Variants in CHL1 observed in about 807,000 individuals in gnomAD.
The protein encoded by CHL1 is cell adhesion molecule L1 like, also known as neural cell adhesion molecule L1-like protein.
CHL1 carries 96 observed loss-of-function variants against 141.9 expected under a neutral mutation model. The observed-to-expected ratio is 0.68, with a 90% CI of 0.57 to 0.80. CHL1 has a LOEUF of 0.80. Ranked by LOEUF, CHL1 falls within the 30% of genes least tolerant of loss-of-function variation. The pLI is 0.00. For synonymous variants in CHL1, 613 were observed against 502.2 expected (o/e 1.22, Z -2.95); for missense variants, 1,820 against 1,457.2 (o/e 1.25, Z -4.05).
chr3:383,418 A>G (rs997014572), intron 18 of CHL1, among the ~76,000 whole-genome samples: 4 of 152,212 alleles, frequency 2.6e-5, no homozygotes, highest in Non-Finnish European at 5.9e-5. Flanking sequence ...TTATTCTTCT[A>G]CAGGCAAATA....
At chr3:239,149 C>T (rs74409738) in intron 1 of CHL1, among the ~76,000 whole-genome samples, 10,843 of 152,156 alleles carry the variant, frequency 0.071, 427 homozygotes, top group Middle Eastern at 0.1. Flanking sequence ...CCCGGCTTCA[C>T]TGGACATCAT....
At chr3:347,485 T>C (rs1253697317) in intron 9 of CHL1, among the ~76,000 whole-genome samples, 1 of 152,232 alleles carries the variant, frequency 6.6e-6, no homozygotes, top group Admixed American at 6.5e-5. Flanking sequence ...TATCTCATTT[T>C]CACATAATAC....
intron 21 of CHL1, 25 bp downstream of exon 21, chr3:390,841 C>G: frequency 6.6e-7 from 1 of 1,525,084 alleles, no homozygotes; most frequent in South Asian, 1.1e-5. Context: ...GGTTTTTCCT[C>G]TTCTTGTTGA....
At chr3:358,776 T>C (rs912649811) in intron 11 of CHL1, among the ~76,000 whole-genome samples, 1 of 151,866 alleles carries the variant, frequency 6.6e-6, no homozygotes, top group African/African-American at 2.4e-5. Flanking sequence ...ATATGTAGTA[T>C]TCATGTTTTC....
At position 385,120 on chromosome 3, in the gene CHL1, T is replaced by A. The variant is rs1243846597; in HGVS notation, c.2247+1234T>A. On this transcript the variant is annotated intron_variant, in intron 19 of 27. Coordinates refer to ENST00000256509, the MANE Select transcript of CHL1 (RefSeq NM_006614.4). The stretch of plus-strand genomic sequence containing the variant: ...CTTGATAATTACTTAATTTATAGTC[T>A]AAAATGATGTTAGTCTTTTAGGGTG... Among the ~76,000 whole-genome samples the A allele has an allele frequency of 2.0e-5, 3 of 152,244 alleles. No homozygotes were observed. In the East Asian group the frequency reaches 5.8e-4, roughly 29 times the overall value.
At position 283,374 on chromosome 3, in the gene CHL1, G is replaced by T. The variant is rs368961197; in HGVS notation, c.-94-36309G>T. On this transcript the variant is annotated intron_variant, in intron 2 of 27. Transcript: ENST00000256509. ...AATACCAAGAGTATAAGTTTCCTGA[G>T]ATTAGCAATCACACATGGTTTATTT... Among the ~76,000 whole-genome samples the T allele has an allele frequency of 7.2e-5, 11 of 152,274 alleles. No individual in the cohort carries two copies. In the East Asian group the frequency reaches 1.9e-3, roughly 27 times the overall value.
Position 406,660 on chromosome 3 carries a change from A to G in CHL1, c.*949A>G, listed in dbSNP as rs1709552137. 1 of 152,090 alleles carries G rather than the reference A, an allele frequency of 6.6e-6. No homozygotes were observed. Among genetic ancestry groups the G allele is most frequent in the Non-Finnish European group, 1.5e-5 (1 of 68,006 alleles). 9.4% of individuals were successfully genotyped at this position (152,090 alleles called of 1,614,324 possible). ...AAAATATAGATGTGTTTTATTTTGA[A>G]GTGAGAAAATGAACATTAACAGGCA... On this transcript the variant is annotated 3_prime_UTR_variant, in exon 28 of 28. Transcript: ENST00000256509.
At chr3:256,916 C>T (rs750682051) in intron 2 of CHL1, among the ~76,000 whole-genome samples, 12 of 152,162 alleles carry the variant, frequency 7.9e-5, no homozygotes, top group Non-Finnish European at 1.6e-4. Flanking sequence ...AGCAAAGACA[C>T]GAGTCTGTGT....
In CHL1 at chr3:390,732, G is replaced by C. The variant is rs767793019; in HGVS notation, c.2502G>C (p.Val834=). 6.2e-7 allele frequency: 1 copy of C among 1,607,284 alleles called. No individual in the cohort carries two copies. Among genetic ancestry groups the C allele is most frequent in the East Asian group, 2.2e-5 (1 of 44,800 alleles). ...ATACAGCTCCAGTGATCCATGGGGT[G>C]GACGTTATAAACAGTACATTAGTTA... The part of the protein sequence containing the change: ...YPDTAPVIHG[V]DVINSTLVKV... Residue 834 remains valine, a synonymous_variant, in exon 21 of 28, where the codon GTG becomes GTC. Coordinates refer to ENST00000256509, the MANE Select transcript of CHL1 (RefSeq NM_006614.4).
chr3:301,161 G>C (rs947648423), intron 2 of CHL1, among the ~76,000 whole-genome samples: 1 of 152,128 alleles, frequency 6.6e-6, no homozygotes, highest in African/African-American at 2.4e-5. Flanking sequence ...CAAAGTAGAG[G>C]TAGAAGGGAT....
intron 2 of CHL1, among the ~76,000 whole-genome samples, chr3:287,344 T>C (rs1251593192): frequency 6.6e-6 from 1 of 152,156 alleles, no homozygotes; most frequent in Non-Finnish European, 1.5e-5. Context: ...AGACACTCAA[T>C]GTATATTGAA....
chr3:216,731 C>G (rs1329344983), intron 1 of CHL1, among the ~76,000 whole-genome samples: 1 of 152,190 alleles, frequency 6.6e-6, no homozygotes, highest in Admixed American at 6.5e-5. Context: ...AGAGAGGCTG[C>G]TAAATATGGC....
rs756724772 is a variant in CHL1 at position 389,262 on chromosome 3, C to T, written c.2258C>T (p.Ser753Phe). The change falls in exon 20 of 28, where the codon TCC (serine) becomes TTC (phenylalanine). Residue 753 changes from serine (S) to phenylalanine (F), a missense_variant. Ser to Phe is a radical substitution (Grantham distance 155). Transcript: ENST00000256509. ...EMIIKWEPLK[S>F]MEQNGPGLEY... Reference sequence around the variant, plus strand: ...TGCCTTCTGTTTTAGCCTTTGAAATCCATGGAGCAGAATGGACCAGGCCTA... The same window carrying T: ...TGCCTTCTGTTTTAGCCTTTGAAATTCATGGAGCAGAATGGACCAGGCCTA... 13 of 1,606,206 alleles carry T rather than the reference C, an allele frequency of 8.1e-6. No individual in the cohort carries two copies. In the Admixed American group the frequency reaches 2.2e-4, roughly 27 times the overall value.
chr3:279,107 G>A (rs1696411780), intron 2 of CHL1, among the ~76,000 whole-genome samples: 2 of 152,150 alleles, frequency 1.3e-5, no homozygotes, highest in Admixed American at 6.5e-5. Flanking sequence ...AGATTAATGG[G>A]ATTTAGTCTT....
At chr3:355,415 G>A (rs1703625044) in intron 11 of CHL1, among the ~76,000 whole-genome samples, 1 of 152,224 alleles carries the variant, frequency 6.6e-6, no homozygotes, top group Admixed American at 6.5e-5. Context: ...AGCACTGAGG[G>A]CCAACTCTCC....
chr3:380,950 A>G (rs1019256115), intron 16 of CHL1, among the ~76,000 whole-genome samples: 3 of 152,204 alleles, frequency 2.0e-5, no homozygotes, highest in African/African-American at 4.8e-5. Flanking sequence ...TGAATCAGGC[A>G]TATAAACAAA....
intron 2 of CHL1, among the ~76,000 whole-genome samples, chr3:282,299 C>T (rs932186310): frequency 5.3e-5 from 8 of 152,172 alleles, no homozygotes; most frequent in Admixed American, 3.3e-4. Context: ...TATTGTCATA[C>T]AAATTACTTT....
At chr3:366,763 C>G (rs148364115) in intron 15 of CHL1, among the ~76,000 whole-genome samples, 28 of 151,922 alleles carry the variant, frequency 1.8e-4, no homozygotes, top group African/African-American at 6.5e-4. Flanking sequence ...GATCACAAAG[C>G]ACTGCAGCTG....
chr3:367,454 T>C (rs902833434), intron 15 of CHL1, among the ~76,000 whole-genome samples: 5 of 152,206 alleles, frequency 3.3e-5, no homozygotes, highest in Non-Finnish European at 5.9e-5. Flanking sequence ...AACATCTTTG[T>C]GCTTTAGTTT....
Sources: allele counts gnomAD v4.1 joint callset (sites outside exome capture counted in the v4.1 genomes callset), GRCh38; gene constraint gnomAD v4.1.1; transcripts MANE v1.5; gene names NCBI Gene and HGNC (gene_info 2026-07-23, HGNC 2026-07-21).